The following NEK1 variants were observed in gnomAD, a reference collection of about 807,000 sequenced individuals.
The protein encoded by NEK1 is serine/threonine-protein kinase Nek1.
Under a neutral mutation model 182.1 loss-of-function variants are expected in NEK1, and 137 were observed. That is an observed-to-expected ratio of 0.75 (90% CI 0.65 to 0.87). The LOEUF (loss-of-function observed/expected upper bound fraction) is 0.87, where lower values mean the gene tolerates loss of function less well. Among genes scored for constraint, NEK1 ranks in the 40% least tolerant of loss-of-function variants. The pLI is 0.00. For missense variants in NEK1, 1,391 were observed against 1,494.4 expected, an observed-to-expected ratio of 0.93 and a Z score of 1.14; for synonymous variants, 513 against 492.2, an observed-to-expected ratio of 1.04 and a Z score of -0.56.
chr4:169,470,969 C>T (rs918400977), intron 26 of NEK1, among the ~76,000 whole-genome samples: 8 of 152,142 alleles, frequency 5.3e-5, no homozygotes, highest in Non-Finnish European at 1.2e-4. Flanking sequence ...TTTTCAGCTC[C>T]ATCAGGTAAT....
chr4:169,463,179 AATAC>A, intron 27 of NEK1, 60 bp downstream of exon 27: 1 of 908,804 alleles, frequency 1.1e-6, no homozygotes, highest in Non-Finnish European at 1.5e-6. Context: ...AACATCTTAA[AATAC>A]ATAATTAGAT....
At chr4:169,584,504 T>C (rs1767203266) in intron 10 of NEK1, among the ~76,000 whole-genome samples, 1 of 152,036 alleles carries the variant, frequency 6.6e-6, no homozygotes, top group Non-Finnish European at 1.5e-5. Context: ...CCCAGCTACT[T>C]GGGAGACTAA....
chr4:169,406,494 G>A, intron 32 of NEK1, 102 bp downstream of exon 32: 2 of 756,870 alleles, frequency 2.6e-6, no homozygotes, highest in Non-Finnish European at 2.0e-6. Flanking sequence ...TAAAAGCAGA[G>A]GTTAATGAGT....
chr4:169,401,564 T>C (rs759763870), intron 33 of NEK1, 88 bp downstream of exon 33: 24 of 1,083,366 alleles, frequency 2.2e-5, no homozygotes, highest in Admixed American at 4.5e-5. Flanking sequence ...AAGTTGGAAA[T>C]GGTTCACAGC....
At chr4:169,590,348 A>ACAGACAGACAGACAGACAGG in intron 6 of NEK1, among the ~76,000 whole-genome samples, 1 of 151,836 alleles carries the variant, frequency 6.6e-6, no homozygotes, top group African/African-American at 2.4e-5. Context: ...AGACAGACAG[A>ACAGACAGACAGACAGACAGG]CAGGCAAAAG....
intron 27 of NEK1, among the ~76,000 whole-genome samples, chr4:169,448,860 CACCTGGGAAG>C (rs1741112782): frequency 6.6e-6 from 1 of 152,246 alleles, no homozygotes; most frequent in African/African-American, 2.4e-5. Flanking sequence ...GGCATCACCT[CACCTGGGAAG>C]CGCAATGAGT....
intron 19 of NEK1, among the ~76,000 whole-genome samples, chr4:169,525,784 C>T (rs1756809533): frequency 6.6e-6 from 1 of 152,130 alleles, no homozygotes; most frequent in Non-Finnish European, 1.5e-5. Context: ...CAAGTTTTAC[C>T]TAAACTAAAG....
intron 18 of NEK1, among the ~76,000 whole-genome samples, chr4:169,545,980 A>C (rs146398744): frequency 0.071 from 10,856 of 152,236 alleles, 1,276 homozygotes; most frequent in African/African-American, 0.25. Context: ...CAATATCGTG[A>C]AAATGGCCAT....
intron 12 of NEK1, among the ~76,000 whole-genome samples, chr4:169,572,175 G>A (rs1177356475): frequency 6.6e-6 from 1 of 152,188 alleles, no homozygotes; most frequent in Non-Finnish European, 1.5e-5. Flanking sequence ...GGGTAAGTCT[G>A]AAAGCAGTTA....
chr4:169,563,238 G>A (rs1438903133), intron 12 of NEK1, among the ~76,000 whole-genome samples: 1 of 151,822 alleles, frequency 6.6e-6, no homozygotes, highest in African/African-American at 2.4e-5. Flanking sequence ...GCCCACACCT[G>A]TTGTCCCAGC....
intron 9 of NEK1, 106 bp downstream of exon 9, chr4:169,587,453 T>C: frequency 1.6e-6 from 1 of 639,974 alleles, no homozygotes; most frequent in Non-Finnish European, 2.6e-6. Context: ...GAGGAGAATT[T>C]CTAGGATGAG....
intron 23 of NEK1, among the ~76,000 whole-genome samples, chr4:169,496,474 C>T (rs1751312496): frequency 6.6e-6 from 1 of 151,260 alleles, no homozygotes; most frequent in Non-Finnish European, 1.5e-5. Context: ...GCATCCCTGT[C>T]TTGTGCCAGT....
At chr4:169,481,488 C>T (rs1184210464) in intron 23 of NEK1, among the ~76,000 whole-genome samples, 5 of 152,148 alleles carry the variant, frequency 3.3e-5, no homozygotes, top group Non-Finnish European at 7.3e-5. Context: ...GAATGGATGT[C>T]GTGTTAGCAG....
chr4:169,514,189 T>C (rs897859638), intron 19 of NEK1, among the ~76,000 whole-genome samples: 21 of 152,072 alleles, frequency 1.4e-4, no homozygotes, highest in Admixed American at 6.6e-4. Context: ...GGTTTCACCA[T>C]GTTAGCCAGG....
chr4:169,466,671 T>A (rs948821167), intron 26 of NEK1, among the ~76,000 whole-genome samples: 4 of 152,040 alleles, frequency 2.6e-5, no homozygotes, highest in Non-Finnish European at 5.9e-5. Context: ...GTTGAAAGAA[T>A]CACCAGCAGG....
At position 169,599,091 on chromosome 4, in the gene NEK1, C is replaced by T; in HGVS notation, c.312+9G>A. Reference sequence around the variant, plus strand: ...AGAGTAAGAGTCAATTTCCTAAATGCAAACTTACCTGATCCTCTTGAAACA... The same window carrying T: ...AGAGTAAGAGTCAATTTCCTAAATGTAAACTTACCTGATCCTCTTGAAACA... On this transcript the variant is annotated intron_variant, in intron 5 of 35. Coordinates refer to ENST00000507142, the MANE Select transcript of NEK1 (RefSeq NM_001199397.3). 6.2e-7 allele frequency: 1 copy of T among 1,609,182 alleles called. No homozygotes were observed. The highest frequency in any genetic ancestry group is 8.5e-7 in the Non-Finnish European group (1 of 1,176,786).
At chr4:169,448,827 G>A (rs1579722499) in intron 27 of NEK1, among the ~76,000 whole-genome samples, 1 of 152,336 alleles carries the variant, frequency 6.6e-6, no homozygotes, top group Non-Finnish European at 1.5e-5. Flanking sequence ...GCAGCCCACG[G>A]AGGGTGAGCC....
chr4:169,400,375 A>C lies in NEK1; in HGVS notation c.3715-18T>G. ...TGAATAGCCTATACCAAATTCCCAA[A>C]TATAAATTAATATTTGAATAACTTT... On this transcript the variant is annotated intron_variant, in intron 34 of 35. Transcript: ENST00000507142. 2 of 1,455,678 alleles carry C rather than the reference A, an allele frequency of 1.4e-6. No homozygotes were observed. Among genetic ancestry groups the C allele is most frequent in the Non-Finnish European group, 1.8e-6 (2 of 1,090,646 alleles). 90.2% of individuals were successfully genotyped at this position (1,455,678 alleles called of 1,614,324 possible).
chr4:169,561,535 G>A lies in NEK1; in HGVS notation c.1211C>T (p.Ala404Val). ...CACATTTCTCCATCCTTGTTCCCTG[G>A]CCCTATTTATTCTTTCCAACTTTGG... is the stretch of plus-strand genomic sequence containing the variant. Reference protein sequence around the residue: ...EKERLERINRAREQGWRNVLS... With the variant: ...EKERLERINRVREQGWRNVLS... The change falls in exon 16 of 36, where the codon GCC (alanine) becomes GTC (valine). Residue 404 changes from alanine (A) to valine (V), a missense_variant. By Grantham distance (64) the Ala-to-Val change is moderately conservative. This residue lies in a region of NEK1 where 1,216 missense variants were observed against 1,277.6 expected (regional missense o/e 0.95). Transcript: ENST00000507142. The A allele has an allele frequency of 1.2e-6, 2 of 1,613,214 alleles. No homozygotes were observed. Among genetic ancestry groups the A allele is most frequent in the East Asian group, 2.2e-5 (1 of 44,806 alleles).
Sources: gnomAD v4.1 joint callset for allele counts (sites outside exome capture counted in the v4.1 genomes callset) on GRCh38, gnomAD v4.1.1 for gene constraint, gnomAD v4.1.1 regional missense constraint, MANE v1.5 for transcripts, NCBI Gene and HGNC (gene_info 2026-07-23, HGNC 2026-07-21) for gene names.